HEMK2: variants seen among roughly 807,000 people sequenced by gnomAD.
The protein encoded by HEMK2 is HemK methyltransferase 2, ETF1 glutamine and histone H4 lysine, also known as methyltransferase HEMK2.
the HEMK2 span, chr21:28,883,029 T>C: frequency 1.1e-5 from 18 of 1,608,480 alleles, no homozygotes; most frequent in South Asian, 1.4e-4. Flanking sequence ...GGAATGCAGA[T>C]ACTACACCAG....
the HEMK2 span, among the ~76,000 whole-genome samples, chr21:28,741,187 A>G: frequency 3.9e-5 from 6 of 152,184 alleles, no homozygotes; most frequent in South Asian, 2.1e-4. Context: ...GTCCAGGCCA[A>G]CATCATGATT....
At chr21:28,745,735 AC>A in the HEMK2 span, among the ~76,000 whole-genome samples, 1 of 151,846 alleles carries the variant, frequency 6.6e-6, no homozygotes, top group Non-Finnish European at 1.5e-5. Context: ...CATATAACAC[AC>A]CCCTTCCCAA....
chr21:28,684,095 A>T, the HEMK2 span, among the ~76,000 whole-genome samples: 2 of 152,226 alleles, frequency 1.3e-5, no homozygotes, highest in Admixed American at 6.5e-5. Context: ...TTGGATACTC[A>T]GAAATCCATT....
the HEMK2 span, among the ~76,000 whole-genome samples, chr21:28,617,799 T>C: frequency 6.6e-6 from 1 of 152,198 alleles, no homozygotes; most frequent in African/African-American, 2.4e-5. Flanking sequence ...CCTTTTTTTT[T>C]TTTTTTAAGA....
At chr21:28,643,873 G>C in the HEMK2 span, among the ~76,000 whole-genome samples, 7 of 152,224 alleles carry the variant, frequency 4.6e-5, no homozygotes, top group Non-Finnish European at 1.0e-4. Context: ...TAGTCATTCA[G>C]GGATGCAGTG....
the HEMK2 span, among the ~76,000 whole-genome samples, chr21:28,754,399 CT>C: frequency 6.6e-6 from 1 of 152,192 alleles, no homozygotes; most frequent in East Asian, 1.9e-4. Context: ...GTGTGAGGGT[CT>C]GACATTACTC....
chr21:28,780,820 C>T, the HEMK2 span, among the ~76,000 whole-genome samples: 3 of 152,092 alleles, frequency 2.0e-5, no homozygotes, highest in African/African-American at 7.2e-5. Flanking sequence ...TTATTTCAAC[C>T]CCCCCTCCTG....
chr21:28,871,529 A>T, the HEMK2 span, among the ~76,000 whole-genome samples: 1 of 152,242 alleles, frequency 6.6e-6, no homozygotes, highest in African/African-American at 2.4e-5. Context: ...GAGTGGGGAC[A>T]CAAATCCAAA....
chr21:28,745,569 T>C, the HEMK2 span, among the ~76,000 whole-genome samples: 1 of 152,146 alleles, frequency 6.6e-6, no homozygotes, highest in Non-Finnish European at 1.5e-5. Context: ...ACCAAGCCCT[T>C]TTCTTCCCTT....
At chr21:28,628,943 T>A in the HEMK2 span, among the ~76,000 whole-genome samples, 2 of 152,156 alleles carry the variant, frequency 1.3e-5, no homozygotes, top group African/African-American at 4.8e-5. Flanking sequence ...ATGAAATAAA[T>A]CCCAAAATAT....
the HEMK2 span, among the ~76,000 whole-genome samples, chr21:28,660,533 C>G: frequency 6.6e-6 from 1 of 150,982 alleles, no homozygotes; most frequent in African/African-American, 2.4e-5. Context: ...ATATTTTTAT[C>G]TTTTGTTTTT....
chr21:28,852,868 A>G, the HEMK2 span, among the ~76,000 whole-genome samples: 7 of 152,142 alleles, frequency 4.6e-5, no homozygotes. Context: ...AGCTCAACAT[A>G]AGTCACACTA....
chr21:28,677,269 G>C, the HEMK2 span, among the ~76,000 whole-genome samples: 2 of 152,208 alleles, frequency 1.3e-5, no homozygotes, highest in South Asian at 4.1e-4. Flanking sequence ...CTGGCTCGGA[G>C]GGTCCTACAC....
the HEMK2 span, among the ~76,000 whole-genome samples, chr21:28,765,599 G>A: frequency 6.6e-6 from 1 of 151,972 alleles, no homozygotes; most frequent in Non-Finnish European, 1.5e-5. Context: ...TTGCCTTTTT[G>A]AAATACAGGC....
At chr21:28,851,278 C>T in the HEMK2 span, among the ~76,000 whole-genome samples, 2 of 152,196 alleles carry the variant, frequency 1.3e-5, no homozygotes, top group African/African-American at 4.8e-5. Context: ...CTGCCACCGA[C>T]ACCTCAAGCA....
chr21:28,713,843 A>C, the HEMK2 span, among the ~76,000 whole-genome samples: 1 of 152,324 alleles, frequency 6.6e-6, no homozygotes, highest in South Asian at 2.1e-4. Flanking sequence ...ATTATATGTT[A>C]CCTTGCCTCA....
the HEMK2 span, among the ~76,000 whole-genome samples, chr21:28,622,309 A>G: frequency 6.6e-6 from 1 of 152,188 alleles, no homozygotes; most frequent in Non-Finnish European, 1.5e-5. Context: ...ACTACAAACC[A>G]CTGCTCAACG....
At chr21:28,697,446 A>G in the HEMK2 span, among the ~76,000 whole-genome samples, 1 of 152,188 alleles carries the variant, frequency 6.6e-6, no homozygotes, top group Non-Finnish European at 1.5e-5. Context: ...GATCACTATC[A>G]GCATTTTGGT....
At chr21:28,718,647 T>A in the HEMK2 span, among the ~76,000 whole-genome samples, 4 of 152,214 alleles carry the variant, frequency 2.6e-5, no homozygotes, top group Admixed American at 2.6e-4. Flanking sequence ...TTGAGATTTA[T>A]CCAAAGGAGA....
Sources: gnomAD v4.1 joint callset for allele counts (sites outside exome capture counted in the v4.1 genomes callset) on GRCh38, gnomAD v4.1.1 for gene constraint, MANE v1.5 for transcripts, NCBI Gene and HGNC (gene_info 2026-07-23, HGNC 2026-07-21) for gene names.